CCBE1: variants seen among roughly 807,000 people sequenced by gnomAD.
The protein encoded by CCBE1 is collagen and calcium binding EGF domains 1.
CCBE1 carries 37 observed loss-of-function variants against 50.0 expected under a neutral mutation model. That is an observed-to-expected ratio of 0.74 (90% confidence interval 0.57 to 0.97). The LOEUF (loss-of-function observed/expected upper bound fraction) is 0.97. CCBE1 is among the 50% of genes least tolerant of loss of function. The pLI is 0.00. For missense variants in CCBE1, 538 were observed against 523.8 expected, an observed-to-expected ratio of 1.03 and a Z score of -0.26; for synonymous variants, 234 against 203.7, an observed-to-expected ratio of 1.15 and a Z score of -1.27.
intron 2 of CCBE1, among the ~76,000 whole-genome samples, chr18:59,634,639 C>T (rs537750921): frequency 3.3e-5 from 5 of 152,078 alleles, no homozygotes; most frequent in South Asian, 2.1e-4. Flanking sequence ...GATATCAGAT[C>T]GGCATCTTCA....
At chr18:59,522,243 C>A (rs755110476) in intron 2 of CCBE1, among the ~76,000 whole-genome samples, 2 of 151,746 alleles carry the variant, frequency 1.3e-5, no homozygotes, top group Non-Finnish European at 2.9e-5. Flanking sequence ...CGTAAGTCCT[C>A]ACTTCACATC....
At chr18:59,566,939 C>A (rs1375684581) in intron 2 of CCBE1, among the ~76,000 whole-genome samples, 1 of 152,086 alleles carries the variant, frequency 6.6e-6, no homozygotes, top group Non-Finnish European at 1.5e-5. Context: ...ATAAACTATG[C>A]AGAATTCTTT....
At chr18:59,464,436 A>AAAAAC (rs1363767873) in intron 5 of CCBE1, among the ~76,000 whole-genome samples, 1 of 152,158 alleles carries the variant, frequency 6.6e-6, no homozygotes, top group Non-Finnish European at 1.5e-5. Flanking sequence ...ACTCTGTCTC[A>AAAAAC]AAAACAAAAC....
chr18:59,557,120 T>C (rs78871085), intron 2 of CCBE1, among the ~76,000 whole-genome samples: 1,761 of 152,284 alleles, frequency 0.012, 22 homozygotes, highest in Non-Finnish European at 0.018. Flanking sequence ...CTTCTCTGCA[T>C]CCCAGGCCAG....
Position 59,696,714 on chromosome 18 carries a change from G to T in CCBE1, c.132-5C>A. 1 of 1,613,674 alleles carries T rather than the reference G, an allele frequency of 6.2e-7. No homozygotes were observed. Among genetic ancestry groups the T allele is most frequent in the Non-Finnish European group, 8.5e-7 (1 of 1,179,752 alleles). ...TTGCTCTCTGAGCAGATTTCTCTAT[G>T]AAAAAGTGCAGAGGAAATGTTCGAT... On this transcript the variant is annotated splice_polypyrimidine_tract_variant and splice_region_variant and intron_variant, in intron 1 of 10. Coordinates refer to ENST00000439986, the MANE Select transcript of CCBE1 (RefSeq NM_133459.4).
intron 2 of CCBE1, among the ~76,000 whole-genome samples, chr18:59,568,785 G>A (rs115318334): frequency 1.9e-4 from 29 of 152,292 alleles, no homozygotes; most frequent in African/African-American, 6.7e-4. Context: ...GTGATCACCT[G>A]GACACCTCTG....
intron 7 of CCBE1, among the ~76,000 whole-genome samples, chr18:59,440,395 G>C (rs998444221): frequency 6.6e-6 from 1 of 152,214 alleles, no homozygotes; most frequent in Non-Finnish European, 1.5e-5. Flanking sequence ...ACTTAGTATA[G>C]TACTTCACAC....
chr18:59,645,765 C>T (rs1488250648), intron 2 of CCBE1, among the ~76,000 whole-genome samples: 3 of 152,212 alleles, frequency 2.0e-5, no homozygotes, highest in Admixed American at 6.5e-5. Flanking sequence ...GGCGCGGTGG[C>T]TCACGCCTAT....
intron 2 of CCBE1, among the ~76,000 whole-genome samples, chr18:59,578,648 G>A (rs538103078): frequency 6.6e-6 from 1 of 152,268 alleles, no homozygotes; most frequent in Admixed American, 6.5e-5. Flanking sequence ...TCCTTTGCAG[G>A]GACATGAAGC....
intron 3 of CCBE1, among the ~76,000 whole-genome samples, chr18:59,471,380 C>T (rs867185825): frequency 6.6e-6 from 1 of 152,156 alleles, no homozygotes; most frequent in African/African-American, 2.4e-5. Context: ...TTTTTCACGG[C>T]CTCCTGTGCC....
intron 3 of CCBE1, among the ~76,000 whole-genome samples, 168 bp from the exon 4 acceptor site, chr18:59,469,775 A>G (rs1393094953): frequency 6.6e-6 from 1 of 152,234 alleles, no homozygotes; most frequent in African/African-American, 2.4e-5. Flanking sequence ...GTCACCTTCT[A>G]AGAGTACTGC....
At chr18:59,695,164 G>A (rs1290653389) in intron 2 of CCBE1, among the ~76,000 whole-genome samples, 3 of 152,170 alleles carry the variant, frequency 2.0e-5, no homozygotes, top group African/African-American at 7.2e-5. Flanking sequence ...CTGAAAAAAT[G>A]AGCAAACCAT....
At chr18:59,572,419 G>GT (rs371152955) in intron 2 of CCBE1, among the ~76,000 whole-genome samples, 2 of 152,062 alleles carry the variant, frequency 1.3e-5, no homozygotes, top group Admixed American at 1.3e-4. Context: ...TATCATATGG[G>GT]TTTTTTATAA....
intron 3 of CCBE1, among the ~76,000 whole-genome samples, chr18:59,471,080 C>T (rs139219864): frequency 2.0e-3 from 308 of 152,300 alleles, no homozygotes; most frequent in African/African-American, 6.9e-3. Flanking sequence ...GAGCGTGATC[C>T]TGGCATGACT....
chr18:59,484,806 T>C (rs12955474), intron 2 of CCBE1, among the ~76,000 whole-genome samples: 14,127 of 152,234 alleles, frequency 0.093, 1,546 homozygotes, highest in East Asian at 0.53. Context: ...GAATACATTA[T>C]TTTGCATGTG....
At chr18:59,631,801 T>TG (rs2053852545) in intron 2 of CCBE1, among the ~76,000 whole-genome samples, 1 of 152,192 alleles carries the variant, frequency 6.6e-6, no homozygotes, top group African/African-American at 2.4e-5. Context: ...GGTAGAAATT[T>TG]GGGGTCTGAC....
intron 2 of CCBE1, among the ~76,000 whole-genome samples, chr18:59,583,590 T>A (rs1312710164): frequency 6.6e-6 from 1 of 152,168 alleles, no homozygotes; most frequent in Non-Finnish European, 1.5e-5. Context: ...AGATTTATTA[T>A]GAGGAGGAAA....
intron 2 of CCBE1, among the ~76,000 whole-genome samples, chr18:59,668,337 T>G (rs1005520853): frequency 2.6e-5 from 4 of 151,796 alleles, no homozygotes; most frequent in Non-Finnish European, 4.4e-5. Flanking sequence ...GAATTCCTGT[T>G]ACCTGGGAGG....
At chr18:59,466,427 G>A (rs1289926185) in intron 5 of CCBE1, among the ~76,000 whole-genome samples, 1 of 151,910 alleles carries the variant, frequency 6.6e-6, no homozygotes, top group Admixed American at 6.6e-5. Context: ...CCAGCCATAT[G>A]GAACTGTGAG....
Sources: allele counts gnomAD v4.1 joint callset (sites outside exome capture counted in the v4.1 genomes callset), GRCh38; gene constraint gnomAD v4.1.1; transcripts MANE v1.5; gene names NCBI Gene and HGNC (gene_info 2026-07-23, HGNC 2026-07-21).